CCNL1: variants seen among roughly 807,000 people sequenced by gnomAD.
The protein encoded by CCNL1 is cyclin-L1.
Under a neutral mutation model 60.6 loss-of-function variants are expected in CCNL1, and 13 were observed. The ratio of observed to expected loss-of-function variants is 0.21; its 90% CI spans 0.14 to 0.34. The LOEUF (loss-of-function observed/expected upper bound fraction) is 0.34, where lower values mean the gene tolerates loss of function less well. Ranked by LOEUF, CCNL1 falls within the 10% of genes least tolerant of loss-of-function variation. The pLI is 1.00. For missense variants in CCNL1, 481 were observed against 664.3 expected (o/e 0.72, Z 3.03); for synonymous variants, 270 against 244.3 (o/e 1.10, Z -0.98).
Position 157,149,740 on chromosome 3 carries a change from A to T in CCNL1, c.1021+96T>A. Reference sequence around the variant, plus strand: ...GAGAACATAGCAGCAGTTTCCTAACATCATTTTTCTCTATGCAACTTTCAA... The same window carrying T: ...GAGAACATAGCAGCAGTTTCCTAACTTCATTTTTCTCTATGCAACTTTCAA... On this transcript the variant is annotated intron_variant, in intron 8 of 10. Coordinates refer to ENST00000295926, the MANE Select transcript of CCNL1 (RefSeq NM_020307.4). The T allele has an allele frequency of 2.0e-6, 3 of 1,503,996 alleles. No individual in the cohort carries two copies. In the South Asian group the frequency reaches 3.7e-5, roughly 19 times the overall value. The allele number at this position is 1,503,996 out of a possible 1,614,324, so 93.2% of individuals were successfully genotyped here.
intron 2 of CCNL1, 153 bp downstream of exon 2, chr3:157,159,252 T>G: frequency 2.8e-6 from 2 of 715,178 alleles, no homozygotes; most frequent in South Asian, 1.9e-5. Flanking sequence ...TTGAACCACA[T>G]TCTAAAGGTT....
At position 157,159,488 on chromosome 3, in the gene CCNL1, A is replaced by G. The variant is rs1311455247; in HGVS notation, c.304-9T>C. ...CCCGTTGCCATCGCCACCTGCAGACAAGAGAGGAGAACGGAAGCGCAGGGG... is the reference window on the plus strand; with the variant it reads ...CCCGTTGCCATCGCCACCTGCAGACGAGAGAGGAGAACGGAAGCGCAGGGG... On this transcript the variant is annotated splice_polypyrimidine_tract_variant and intron_variant, in intron 1 of 10. Transcript: ENST00000295926. The G allele has an allele frequency of 6.6e-6, 6 of 914,120 alleles. No homozygotes were observed. The highest frequency in any genetic ancestry group is 5.8e-5 in the East Asian group (1 of 17,354). 56.6% of individuals were successfully genotyped at this position (914,120 alleles called of 1,614,324 possible).
At chr3:157,146,147 A>T (rs1487493911), downstream of CCNL1, among the ~76,000 whole-genome samples, 1 of 152,192 alleles carries the variant, frequency 6.6e-6, no homozygotes, top group Non-Finnish European at 1.5e-5. Context: ...GGTGGGGTAC[A>T]GATTAAGTTT....
At chr3:157,159,581 C>T in intron 1 of CCNL1, 102 bp from the exon 2 acceptor site, 1 of 1,152,610 alleles carries the variant, frequency 8.7e-7, no homozygotes, top group Non-Finnish European at 1.3e-6. Context: ...CCCCTCCCGC[C>T]GCCGCCGCCG....
chr3:157,160,014 G>T lies in CCNL1; in HGVS notation c.81C>A (p.Ser27=). Reference sequence around the variant, plus strand: ...TGGTCGTCGTCGTGGTCGTCGTCCCGGAGCTGGAGCCGCCCGCGCTTGGGG... The same window carrying T: ...TGGTCGTCGTCGTGGTCGTCGTCCCTGAGCTGGAGCCGCCCGCGCTTGGGG... The part of the protein sequence containing the change: ...SAAPSAGGSS[S]GTTTTTTTTT... Residue 27 remains serine, a synonymous_variant, in exon 1 of 11, where the codon TCC becomes TCA. Transcript: ENST00000295926. The T allele has an allele frequency of 1.3e-6, 2 of 1,570,996 alleles. No individual in the cohort carries two copies. Among genetic ancestry groups the T allele is most frequent in the Non-Finnish European group, 1.7e-6 (2 of 1,158,434 alleles).
intron 3 of CCNL1, among the ~76,000 whole-genome samples, chr3:157,154,969 C>A (rs764652131): frequency 3.3e-5 from 5 of 151,804 alleles, no homozygotes; most frequent in Non-Finnish European, 7.4e-5. Flanking sequence ...TACATACATA[C>A]ATATAAACAT....
At chr3:157,158,075 G>C (rs1321782141) in intron 3 of CCNL1, among the ~76,000 whole-genome samples, 1 of 152,208 alleles carries the variant, frequency 6.6e-6, no homozygotes, top group Non-Finnish European at 1.5e-5. Context: ...GAAGTCACCT[G>C]TAGATGCAGG....
Position 157,147,993 on chromosome 3 carries a change from C to A in CCNL1, c.*248G>T. 1 of 1,246,500 alleles carries A rather than the reference C, an allele frequency of 8.0e-7. No homozygotes were observed. Among genetic ancestry groups the A allele is most frequent in the Non-Finnish European group, 1.0e-6 (1 of 994,896 alleles). 77.2% of individuals were successfully genotyped at this position (1,246,500 alleles called of 1,614,324 possible). Reference sequence around the variant, plus strand: ...CCAGTTCTTATAGCAATAAACAATACACAACTATAATAAAGTACAATTGAA... The same window carrying A: ...CCAGTTCTTATAGCAATAAACAATAAACAACTATAATAAAGTACAATTGAA... On this transcript the variant is annotated 3_prime_UTR_variant, in exon 11 of 11. Transcript: ENST00000295926.
intron 3 of CCNL1, among the ~76,000 whole-genome samples, chr3:157,155,898 C>A (rs910419384): frequency 6.6e-6 from 1 of 152,168 alleles, no homozygotes; most frequent in African/African-American, 2.4e-5. Context: ...ATTATCAACA[C>A]ACAAACTAAC....
intron 3 of CCNL1, among the ~76,000 whole-genome samples, chr3:157,156,674 A>C (rs902722173): frequency 1.8e-4 from 28 of 152,232 alleles, no homozygotes; most frequent in African/African-American, 6.0e-4. Flanking sequence ...ACCTACAAGC[A>C]ACATGAATAA....
intron 3 of CCNL1, chr3:157,154,383 A>C (rs1325319246): frequency 6.6e-6 from 1 of 152,226 alleles, no homozygotes; most frequent in Admixed American, 6.5e-5. Flanking sequence ...TTACAAGTAG[A>C]ATACTTCAAT....
chr3:157,144,818 A>C (rs1737734038), downstream of CCNL1, among the ~76,000 whole-genome samples: 1 of 152,252 alleles, frequency 6.6e-6, no homozygotes, highest in Non-Finnish European at 1.5e-5. Flanking sequence ...TTATCTTCAT[A>C]ATCTATTACA....
chr3:157,154,484 C>T (rs1318168156), intron 3 of CCNL1: 1 of 152,094 alleles, frequency 6.6e-6, no homozygotes, highest in Non-Finnish European at 1.5e-5. Context: ...AGACAGTCAT[C>T]CTCTCTACCC....
At chr3:157,146,151 TAAG>T (rs1737776866), downstream of CCNL1, among the ~76,000 whole-genome samples, 1 of 152,188 alleles carries the variant, frequency 6.6e-6, no homozygotes, top group Admixed American at 6.5e-5. Context: ...GGGTACAGAT[TAAG>T]TTTTGCTATT....
At position 157,159,665 on chromosome 3, in the gene CCNL1, G is replaced by A. The variant is rs976575878; in HGVS notation, c.303+127C>T. 40 of 1,073,680 alleles carry A rather than the reference G, an allele frequency of 3.7e-5. No individual in the cohort carries two copies. The African/African-American group carries it at 4.6e-4, about 12-fold the overall frequency. The allele number at this position is 1,073,680 out of a possible 1,614,324, so 66.5% of individuals were successfully genotyped here. ...GCCCCGGCACGCCCCGGCCGCGGCT[G>A]GGCCCCGAACGGGAAAGCCTGAAGG... is the stretch of plus-strand genomic sequence containing the variant. On this transcript the variant is annotated intron_variant, in intron 1 of 10. Coordinates refer to ENST00000295926, the MANE Select transcript of CCNL1 (RefSeq NM_020307.4).
At chr3:157,146,279 G>A (rs1310819419), downstream of CCNL1, among the ~76,000 whole-genome samples, 3 of 152,098 alleles carry the variant, frequency 2.0e-5, no homozygotes, top group East Asian at 3.8e-4. Context: ...GTGGCATGAG[G>A]TTAACATCCT....
chr3:157,151,749 A>T (rs1008410832), intron 5 of CCNL1: 3 of 1,017,678 alleles, frequency 2.9e-6, no homozygotes, highest in Non-Finnish European at 2.4e-6. Context: ...AAATATACAA[A>T]TCCTTTTGAC....
At chr3:157,152,643 A>G in intron 4 of CCNL1, 2 of 1,070,036 alleles carry the variant, frequency 1.9e-6, no homozygotes, top group Non-Finnish European at 2.3e-6. Context: ...ATTTCCAATA[A>G]TGGTAACAGT....
intron 5 of CCNL1, 73 bp downstream of exon 5, chr3:157,152,104 A>G: frequency 6.4e-7 from 1 of 1,573,406 alleles, no homozygotes; most frequent in South Asian, 1.2e-5. Context: ...TATTTTGGAA[A>G]GGGAAAACGA....
Sources: allele counts gnomAD v4.1 joint callset (sites outside exome capture counted in the v4.1 genomes callset), GRCh38; gene constraint gnomAD v4.1.1; transcripts MANE v1.5; gene names NCBI Gene and HGNC (gene_info 2026-07-23, HGNC 2026-07-21).